DNAAF10: variants seen among roughly 807,000 people sequenced by gnomAD.
The protein encoded by DNAAF10 is dynein axonemal assembly factor 10.
Under a neutral mutation model 43.7 loss-of-function variants are expected in DNAAF10, and 28 were observed. The ratio of observed to expected loss-of-function variants is 0.64; its 90% CI spans 0.48 to 0.88. The LOEUF (loss-of-function observed/expected upper bound fraction) is 0.88. DNAAF10 is among the 40% of genes least tolerant of loss of function. The probability of loss-of-function intolerance (pLI) is 0.00; values close to 1 mark genes in which losing one functional copy is unlikely to be tolerated. For missense variants in DNAAF10, 403 were observed against 439.1 expected, an observed-to-expected ratio of 0.92 and a Z score of 0.73; for synonymous variants, 156 against 157.3, an observed-to-expected ratio of 0.99 and a Z score of 0.06.
chr2:68,147,308 T>C (rs1347213645), intron 2 of DNAAF10, among the ~76,000 whole-genome samples, 159 bp downstream of exon 2: 1 of 152,116 alleles, frequency 6.6e-6, no homozygotes, highest in Non-Finnish European at 1.5e-5. Flanking sequence ...GAATATGAAA[T>C]CTAGAAATAT....
chr2:68,152,700 T>C (rs548271392), intron 1 of DNAAF10, among the ~76,000 whole-genome samples: 4 of 152,214 alleles, frequency 2.6e-5, no homozygotes, highest in African/African-American at 9.7e-5. Flanking sequence ...ATTTTTGCTA[T>C]GTGATACTGA....
rs1453152500 is a variant in DNAAF10 at position 68,130,115 on chromosome 2, G to GAGAGAGATATATAT, written c.*1122_*1123insATATATATCTCTCT. 2 of 132,946 alleles carry GAGAGAGATATATAT rather than the reference G, an allele frequency of 1.5e-5. No individual in the cohort carries two copies. Among genetic ancestry groups the GAGAGAGATATATAT allele is most frequent in the African/African-American group, 5.8e-5 (2 of 34,264 alleles). 8.2% of individuals were successfully genotyped at this position (132,946 alleles called of 1,614,324 possible). ...CAACCGTGCCGTTTTGAGAGAGAGAGATATATATATATATATTTGTTTTTT... is the reference window on the plus strand; with the variant it reads ...CAACCGTGCCGTTTTGAGAGAGAGAGAGAGAGATATATATATATATATATATATATTTGTTTTTT... On this transcript the variant is annotated 3_prime_UTR_variant, in exon 8 of 8. Coordinates refer to ENST00000295121, the MANE Select transcript of DNAAF10 (RefSeq NM_138458.4).
intron 6 of DNAAF10, 117 bp downstream of exon 6, chr2:68,137,182 T>A: frequency 2.5e-6 from 3 of 1,215,998 alleles, no homozygotes; most frequent in Non-Finnish European, 3.3e-6. Flanking sequence ...CAGGAATATA[T>A]CAAAAATAGC....
At chr2:68,154,551 A>G (rs941207630) in intron 1 of DNAAF10, among the ~76,000 whole-genome samples, 4 of 151,936 alleles carry the variant, frequency 2.6e-5, no homozygotes, top group Non-Finnish European at 5.9e-5. Context: ...CGGCGTGAAA[A>G]TACACTTAGT....
At chr2:68,148,049 T>C (rs1673366631) in intron 1 of DNAAF10, among the ~76,000 whole-genome samples, 1 of 152,222 alleles carries the variant, frequency 6.6e-6, no homozygotes, top group Admixed American at 6.5e-5. Context: ...TAAACTTGTG[T>C]GTACCAAGGC....
chr2:68,155,579 G>A (rs542337530), intron 1 of DNAAF10, among the ~76,000 whole-genome samples: 52 of 152,146 alleles, frequency 3.4e-4, no homozygotes, highest in African/African-American at 1.2e-3. Flanking sequence ...ACCTGATCCA[G>A]CACTTTGGGA....
intron 6 of DNAAF10, among the ~76,000 whole-genome samples, chr2:68,135,165 G>C (rs1673011015): frequency 6.6e-6 from 1 of 152,038 alleles, no homozygotes; most frequent in Admixed American, 6.6e-5. Flanking sequence ...ATATACTTTT[G>C]TTTATATATA....
chr2:68,144,106 C>A (rs940922446), intron 3 of DNAAF10, among the ~76,000 whole-genome samples: 2 of 152,158 alleles, frequency 1.3e-5, no homozygotes, highest in Non-Finnish European at 2.9e-5. Context: ...TTGGTCACTG[C>A]AGGGTGGAAG....
At chr2:68,147,323 T>TA (rs1673341604) in intron 2 of DNAAF10, 144 bp downstream of exon 2, 1 of 587,328 alleles carries the variant, frequency 1.7e-6, no homozygotes, top group Non-Finnish European at 2.9e-6. Context: ...AAATATATAT[T>TA]AGAGACAATT....
Position 68,131,140 on chromosome 2 carries a change from G to A in DNAAF10, c.*98C>T, listed in dbSNP as rs1413440956. The A allele has an allele frequency of 6.6e-6, 8 of 1,203,884 alleles. No homozygotes were observed. Among genetic ancestry groups the A allele is most frequent in the South Asian group, 2.5e-5 (2 of 80,516 alleles). The allele number at this position is 1,203,884 out of a possible 1,614,324, so 74.6% of individuals were successfully genotyped here. On this transcript the variant is annotated 3_prime_UTR_variant, in exon 8 of 8. Coordinates refer to ENST00000295121, the MANE Select transcript of DNAAF10 (RefSeq NM_138458.4). Reference sequence around the variant, plus strand: ...TCACCATGTTAGCCAGGATGGTCTCGATCTCCTGACCTTCTGATCCACCCG... The same window carrying A: ...TCACCATGTTAGCCAGGATGGTCTCAATCTCCTGACCTTCTGATCCACCCG...
Position 68,157,401 on chromosome 2 carries a change from TC to T in DNAAF10, c.42del (p.Lys15ArgfsTer20). The T allele has an allele frequency of 1.2e-6, 2 of 1,614,122 alleles. No homozygotes were observed. Among genetic ancestry groups the T allele is most frequent in the Non-Finnish European group, 1.7e-6 (2 of 1,180,022 alleles). On this transcript the variant is annotated frameshift_variant, in exon 1 of 8. Transcript: ENST00000295121. LOFTEE classifies it high-confidence loss of function. ...TCAAACACCGTGTAGTTGAAGCCCT[TC>T]TGGATATGGGCGATGATCTGAGGCT... ...FEKPQIIAHI[Q>X]KGFNYTVFDC...
At chr2:68,134,547 T>C (rs1672991501) in intron 7 of DNAAF10, 155 bp downstream of exon 7, 1 of 1,486,060 alleles carries the variant, frequency 6.7e-7, no homozygotes, top group Non-Finnish European at 8.9e-7. Context: ...TCATACAAAA[T>C]GCTTAGAAAA....
intron 6 of DNAAF10, among the ~76,000 whole-genome samples, chr2:68,135,443 A>C (rs1398109756): frequency 6.6e-6 from 1 of 152,240 alleles, no homozygotes; most frequent in East Asian, 1.9e-4. Flanking sequence ...AAAAGATTAA[A>C]AACCAGCAAC....
At chr2:68,147,372 T>G in intron 2 of DNAAF10, 95 bp downstream of exon 2, 2 of 926,720 alleles carry the variant, frequency 2.2e-6, no homozygotes, top group Non-Finnish European at 3.3e-6. Context: ...TAGAAAGATT[T>G]TAAAATTAAA....
chr2:68,144,823 G>A (rs1673277267), intron 2 of DNAAF10, 108 bp from the exon 3 acceptor site: 1 of 1,382,840 alleles, frequency 7.2e-7, no homozygotes, highest in East Asian at 2.6e-5. Context: ...TAGAAATTAA[G>A]GTTTTGCTAT....
intron 1 of DNAAF10, among the ~76,000 whole-genome samples, chr2:68,150,889 T>C (rs1673441039): frequency 2.0e-5 from 3 of 152,364 alleles, no homozygotes; most frequent in Middle Eastern, 3.4e-3. Context: ...ATCTCTTCCC[T>C]GTGCAGAGAT....
Position 68,139,432 on chromosome 2 carries a change from A to AC in DNAAF10, c.518-576dup, listed in dbSNP as rs542880319. ...AATAAAACTCTTTTCTTTATAAACT[A>AC]CCCAGTCTCAGGTATTCCTTTATAG... On this transcript the variant is annotated intron_variant, in intron 4 of 7. Transcript: ENST00000295121. Among the ~76,000 whole-genome samples, 415 of 152,174 alleles carry AC rather than the reference A, an allele frequency of 2.7e-3. 2 individuals carry two copies. The highest frequency in any genetic ancestry group is 6.3e-3 in the African/African-American group (261 of 41,516).
chr2:68,155,096 G>T (rs1444343892), intron 1 of DNAAF10, among the ~76,000 whole-genome samples: 1 of 151,486 alleles, frequency 6.6e-6, no homozygotes, highest in Non-Finnish European at 1.5e-5. Flanking sequence ...AAAGTCACAG[G>T]TCTAAGCCCT....
At chr2:68,134,824 C>T in intron 6 of DNAAF10, 25 bp from the exon 7 acceptor site, 2 of 1,612,810 alleles carry the variant, frequency 1.2e-6, no homozygotes, top group Non-Finnish European at 1.7e-6. Context: ...AGGCATACAA[C>T]TGGTTTATAT....
Sources: allele counts gnomAD v4.1 joint callset (sites outside exome capture counted in the v4.1 genomes callset), GRCh38; gene constraint gnomAD v4.1.1; transcripts MANE v1.5; gene names NCBI Gene and HGNC (gene_info 2026-07-23, HGNC 2026-07-21).